C14orf39: variants seen among roughly 807,000 people sequenced by gnomAD.
C14orf39 encodes the protein protein SIX6OS1.
C14orf39 carries 66 observed loss-of-function variants against 85.6 expected under a neutral mutation model. The observed-to-expected ratio is 0.77, with a 90% CI of 0.63 to 0.95. C14orf39 has a LOEUF of 0.95. Among genes scored for constraint, C14orf39 ranks in the 40% least tolerant of loss-of-function variants. The pLI, the probability that C14orf39 is intolerant of heterozygous loss-of-function variation, is 0.00. For missense variants in C14orf39, 735 were observed against 663.9 expected, an observed-to-expected ratio of 1.11 and a Z score of -1.18; for synonymous variants, 242 against 214.0, an observed-to-expected ratio of 1.13 and a Z score of -1.14.
chr14:60,465,483 G>A (rs976807506), intron 11 of C14orf39, among the ~76,000 whole-genome samples: 12 of 152,158 alleles, frequency 7.9e-5, no homozygotes, highest in African/African-American at 2.9e-4. Flanking sequence ...TCATTCCATT[G>A]CTGATGCCTG....
chr14:60,510,073 G>A, intron 1 of C14orf39: 1 of 1,042,312 alleles, frequency 9.6e-7, no homozygotes, highest in Non-Finnish European at 1.5e-6. Context: ...AATTCAGCAG[G>A]AGTTGGGAGC....
intron 10 of C14orf39, 44 bp from the exon 11 acceptor site, chr14:60,466,099 G>T: frequency 1.1e-6 from 1 of 919,342 alleles, no homozygotes. Flanking sequence ...GCTGGAAACA[G>T]AATCAAGTAT....
chr14:60,489,973 CAT>C (rs993482355), upstream of C14orf39, among the ~76,000 whole-genome samples: 1 of 152,202 alleles, frequency 6.6e-6, no homozygotes, highest in African/African-American at 2.4e-5. Flanking sequence ...ATCCAATGAA[CAT>C]GTTTCAGTCA....
chr14:60,508,926 C>G (rs1753557752), intron 1 of C14orf39: 1 of 193,686 alleles, frequency 5.2e-6, no homozygotes, highest in South Asian at 1.0e-4. Flanking sequence ...TGAACGCTGC[C>G]GCACTCGCCT....
upstream of C14orf39, among the ~76,000 whole-genome samples, chr14:60,489,591 A>G (rs769222821): frequency 5.3e-5 from 8 of 152,140 alleles, no homozygotes; most frequent in African/African-American, 9.7e-5. Flanking sequence ...ACAATAGTGG[A>G]ACTCTCTCTC....
chr14:60,479,345 T>G (rs1346884631), intron 4 of C14orf39, among the ~76,000 whole-genome samples: 2 of 152,186 alleles, frequency 1.3e-5, no homozygotes, highest in Non-Finnish European at 2.9e-5. Flanking sequence ...TCTCAATATT[T>G]TTAAATGTCA....
At chr14:60,490,815 G>A (rs1892979183), upstream of C14orf39, among the ~76,000 whole-genome samples, 1 of 152,098 alleles carries the variant, frequency 6.6e-6, no homozygotes, top group Non-Finnish European at 1.5e-5. Context: ...TCACTATCAT[G>A]AGCACTACCA....
At chr14:60,451,781 A>G (rs1411583063) in intron 16 of C14orf39, among the ~76,000 whole-genome samples, 1 of 152,192 alleles carries the variant, frequency 6.6e-6, no homozygotes, top group Non-Finnish European at 1.5e-5. Flanking sequence ...GCAAATGTAT[A>G]CATACGTAAC....
intron 16 of C14orf39, among the ~76,000 whole-genome samples, chr14:60,442,951 G>T (rs1890590294): frequency 6.6e-6 from 1 of 152,030 alleles, no homozygotes; most frequent in Non-Finnish European, 1.5e-5. Flanking sequence ...ATAGTCTAGA[G>T]ACGTTAATTA....
At chr14:60,492,096 A>C (rs556539922) in intron 2 of C14orf39, among the ~76,000 whole-genome samples, 3 of 150,094 alleles carry the variant, frequency 2.0e-5, no homozygotes, top group Admixed American at 6.7e-5. Flanking sequence ...TGTTCTCTTA[A>C]AATTTCAGAA....
At chr14:60,467,585 G>C (rs1891856873) in intron 9 of C14orf39, among the ~76,000 whole-genome samples, 1 of 151,748 alleles carries the variant, frequency 6.6e-6, no homozygotes, top group South Asian at 2.1e-4. Context: ...ATATTTATAT[G>C]TTTCTGTCAA....
chr14:60,485,477 ACG>A (rs1424088480), intron 1 of C14orf39, among the ~76,000 whole-genome samples: 2 of 152,218 alleles, frequency 1.3e-5, no homozygotes, highest in African/African-American at 2.4e-5. Context: ...GTGTACAACC[ACG>A]TGTAGCAAAA....
At chr14:60,511,282 T>A (rs763996716) in intron 1 of C14orf39, 2 of 1,610,568 alleles carry the variant, frequency 1.2e-6, no homozygotes, top group African/African-American at 2.7e-5. Flanking sequence ...CAGAAGCAGA[T>A]TCCAGTGTAA....
intron 7 of C14orf39, among the ~76,000 whole-genome samples, chr14:60,469,883 C>A (rs1595470418): frequency 7.1e-6 from 1 of 140,400 alleles, no homozygotes; most frequent in African/African-American, 2.6e-5. Context: ...ACATTTCATA[C>A]AAAATATTTG....
chr14:60,493,247 G>A (rs1384070950), intron 2 of C14orf39, among the ~76,000 whole-genome samples: 1 of 152,140 alleles, frequency 6.6e-6, no homozygotes, highest in Non-Finnish European at 1.5e-5. Flanking sequence ...AAGAAACTTT[G>A]TAATTCTACA....
At chr14:60,469,510 G>GAAATATATAACA in intron 8 of C14orf39, 23 bp downstream of exon 8, 1 of 1,105,560 alleles carries the variant, frequency 9.0e-7, no homozygotes, top group Non-Finnish European at 1.2e-6. Context: ...ACACATATTA[G>GAAATATATAACA]AAATATATAA....
chr14:60,488,521 C>A (rs1323763641), upstream of C14orf39, among the ~76,000 whole-genome samples: 1 of 152,136 alleles, frequency 6.6e-6, no homozygotes, highest in Non-Finnish European at 1.5e-5. Context: ...GGAAAGTACT[C>A]CCACAAGATA....
intron 4 of C14orf39, among the ~76,000 whole-genome samples, chr14:60,481,330 GA>G (rs1430361484): frequency 1.3e-5 from 2 of 152,068 alleles, no homozygotes; most frequent in Non-Finnish European, 2.9e-5. Context: ...ATTTCCTTAT[GA>G]AAAATTCTCA....
intron 13 of C14orf39, 80 bp downstream of exon 13, chr14:60,461,274 A>G: frequency 8.1e-7 from 1 of 1,238,854 alleles, no homozygotes; most frequent in Non-Finnish European, 1.2e-6. Context: ...AATAATCGAA[A>G]CAATTTATTT....
Sources: allele counts gnomAD v4.1 joint callset (sites outside exome capture counted in the v4.1 genomes callset), GRCh38; gene constraint gnomAD v4.1.1; transcripts MANE v1.5; gene names NCBI Gene and HGNC (gene_info 2026-07-23, HGNC 2026-07-21).